Variants in AGFG1 observed in about 807,000 individuals in gnomAD.
The protein encoded by AGFG1 is arf-GAP domain and FG repeat-containing protein 1.
In AGFG1, 10 loss-of-function variants were observed where a neutral mutation model predicts 60.6. The ratio of observed to expected loss-of-function variants is 0.16; its 90% CI spans 0.10 to 0.28. The LOEUF (loss-of-function observed/expected upper bound fraction) is 0.28. Among genes scored for constraint, AGFG1 ranks in the 10% least tolerant of loss-of-function variants. The pLI, the probability that AGFG1 is intolerant of heterozygous loss-of-function variation, is 1.00. For synonymous variants in AGFG1, 247 were observed against 242.9 expected (o/e 1.02, Z -0.16); for missense variants, 537 against 676.5 (o/e 0.79, Z 2.29).
rs185703541 is a variant in AGFG1 at position 227,514,406 on chromosome 2, C to T, written c.262-5542C>T. ...TTTTTGTGTGTGTTCTTAGTAGAGA[C>T]GGGGTTTCACCATTTCGTCCAGGCT... On this transcript the variant is annotated intron_variant, in intron 2 of 12. Transcript: ENST00000310078. Among the ~76,000 whole-genome samples, 54 of 152,092 alleles carry T rather than the reference C, an allele frequency of 3.6e-4. 1 individual carries two copies. Among genetic ancestry groups the T allele is most frequent in the Non-Finnish European group, 8.8e-5 (6 of 68,008 alleles).
At chr2:227,503,398 C>T (rs952931552) in intron 2 of AGFG1, among the ~76,000 whole-genome samples, 1 of 152,142 alleles carries the variant, frequency 6.6e-6, no homozygotes, top group Non-Finnish European at 1.5e-5. Flanking sequence ...ACAAATCCTT[C>T]AGTTTTCTGT....
In AGFG1 at chr2:227,557,331, G is replaced by A. The variant is rs946387228; in HGVS notation, c.*2836G>A. 1 of 152,058 alleles carries A rather than the reference G, an allele frequency of 6.6e-6. No individual in the cohort carries two copies. The highest frequency in any genetic ancestry group is 2.4e-5 in the African/African-American group (1 of 41,410). 9.4% of individuals were successfully genotyped at this position (152,058 alleles called of 1,614,324 possible). A position where few individuals can be genotyped will look rare whatever the true frequency, so the allele number is the denominator to read the frequency against. ...GTAATCACTTTCTTCCTCAAAATAA[G>A]TCCTTCTGTTAATTTGTAAAAGCAC... is the stretch of plus-strand genomic sequence containing the variant. On this transcript the variant is annotated 3_prime_UTR_variant, in exon 13 of 13. Transcript: ENST00000310078.
At chr2:227,479,667 C>A (rs1289650081) in intron 1 of AGFG1, among the ~76,000 whole-genome samples, 1 of 152,134 alleles carries the variant, frequency 6.6e-6, no homozygotes, top group African/African-American at 2.4e-5. Context: ...TTTTTTCCCC[C>A]ACTTGAATGT....
At chr2:227,532,914 AATGT>A (rs200726173) in intron 6 of AGFG1, among the ~76,000 whole-genome samples, 1,817 of 152,222 alleles carry the variant, frequency 0.012, 27 homozygotes, top group African/African-American at 0.022. Flanking sequence ...AAATTGCTAT[AATGT>A]ATTATGTACT....
At chr2:227,528,226 A>T (rs887198704) in intron 5 of AGFG1, among the ~76,000 whole-genome samples, 2 of 152,200 alleles carry the variant, frequency 1.3e-5, no homozygotes, top group African/African-American at 4.8e-5. Flanking sequence ...TAATTTTTAT[A>T]TGTCTCATTT....
In AGFG1 at chr2:227,546,596, G is replaced by A. The variant is rs144752920; in HGVS notation, c.1379-5363G>A. 2.5e-3 allele frequency among the ~76,000 whole-genome samples: 378 copies of A among 152,312 alleles called. 3 individuals carry two copies. Among genetic ancestry groups the A allele is most frequent in the African/African-American group, 8.5e-3 (352 of 41,556 alleles). On this transcript the variant is annotated intron_variant, in intron 10 of 12. Transcript: ENST00000310078. Reference sequence around the variant, plus strand: ...ACGCTGGGAGCTGTAGACTGGAGCCGTTCCTATTCTGCCATCTTGGAACTC... The same window carrying A: ...ACGCTGGGAGCTGTAGACTGGAGCCATTCCTATTCTGCCATCTTGGAACTC...
At position 227,546,875 on chromosome 2, in the gene AGFG1, T is replaced by G. The variant is rs184915816; in HGVS notation, c.1379-5084T>G. 2.1e-3 allele frequency among the ~76,000 whole-genome samples: 320 copies of G among 152,360 alleles called. 1 individual carries two copies. The highest frequency in any genetic ancestry group is 6.8e-3 in the Middle Eastern group (2 of 294). ...CCATTTATTTTAATGAATGAATGGT[T>G]TCAAAGATTTTTTTTCCCTAAGGAA... On this transcript the variant is annotated intron_variant, in intron 10 of 12. Transcript: ENST00000310078.
chr2:227,495,538 A>G (rs1028557165), intron 2 of AGFG1, among the ~76,000 whole-genome samples: 5 of 144,762 alleles, frequency 3.5e-5, no homozygotes, highest in African/African-American at 1.3e-4. Flanking sequence ...CAAGCGAGAT[A>G]CTGTCTCAAA....
chr2:227,475,847 G>A (rs554961062), intron 1 of AGFG1, among the ~76,000 whole-genome samples: 1 of 152,342 alleles, frequency 6.6e-6, no homozygotes, highest in East Asian at 1.9e-4. Context: ...ATAGGGCTAA[G>A]CACTGGAGTT....
At chr2:227,481,279 G>A (rs1005427530) in intron 1 of AGFG1, among the ~76,000 whole-genome samples, 7 of 152,004 alleles carry the variant, frequency 4.6e-5, no homozygotes, top group African/African-American at 1.7e-4. Flanking sequence ...TAATCCTCCA[G>A]CTTTCCACAT....
At chr2:227,531,494 C>T (rs1028337451) in intron 6 of AGFG1, among the ~76,000 whole-genome samples, 5 of 150,326 alleles carry the variant, frequency 3.3e-5, no homozygotes, top group Admixed American at 2.0e-4. Context: ...AGAGGCATGA[C>T]ACTACTATAA....
At position 227,555,502 on chromosome 2, in the gene AGFG1, G is replaced by A. The variant is rs967124305; in HGVS notation, c.*1007G>A. 2 of 152,308 alleles carry A rather than the reference G, an allele frequency of 1.3e-5. No individual in the cohort carries two copies. Among genetic ancestry groups the A allele is most frequent in the African/African-American group, 4.8e-5 (2 of 41,328 alleles). The allele number at this position is 152,308 out of a possible 1,614,324, so 9.4% of individuals were successfully genotyped here. ...AAAAAAAATTGTCTTTGAATGTATTGGAAGTAGACATGCATTAACTGTGAC... is the reference window on the plus strand; with the variant it reads ...AAAAAAAATTGTCTTTGAATGTATTAGAAGTAGACATGCATTAACTGTGAC... On this transcript the variant is annotated 3_prime_UTR_variant, in exon 13 of 13. Transcript: ENST00000310078.
chr2:227,500,063 C>T (rs1230423291), intron 2 of AGFG1, among the ~76,000 whole-genome samples: 4 of 152,180 alleles, frequency 2.6e-5, no homozygotes, highest in Admixed American at 1.3e-4. Flanking sequence ...ATTTTGGCAA[C>T]AGAGTATGCC....
chr2:227,523,678 G>A (rs7606276), intron 3 of AGFG1, 85 bp from the exon 4 acceptor site: 3 of 1,307,514 alleles, frequency 2.3e-6, no homozygotes, highest in African/African-American at 2.9e-5. Context: ...AAACAATCTT[G>A]TACAAAGTTA....
chr2:227,520,601 CAG>C (rs1691795839), intron 3 of AGFG1, among the ~76,000 whole-genome samples: 1 of 152,118 alleles, frequency 6.6e-6, no homozygotes, highest in African/African-American at 2.4e-5. Flanking sequence ...CTAAATCTAT[CAG>C]ATGTTAATTT....
chr2:227,543,857 T>TAC (rs1692564389), intron 10 of AGFG1, among the ~76,000 whole-genome samples: 1 of 151,740 alleles, frequency 6.6e-6, no homozygotes, highest in Non-Finnish European at 1.5e-5. Flanking sequence ...GGTGCATATA[T>TAC]ATTTAGGATA....
chr2:227,487,993 A>G (rs1018433216), intron 1 of AGFG1, among the ~76,000 whole-genome samples: 1 of 152,244 alleles, frequency 6.6e-6, no homozygotes, highest in Non-Finnish European at 1.5e-5. Flanking sequence ...ACATGAACAC[A>G]TAAAATTTCC....
chr2:227,545,408 C>T (rs1559199223), intron 10 of AGFG1, among the ~76,000 whole-genome samples: 1 of 152,210 alleles, frequency 6.6e-6, no homozygotes, highest in African/African-American at 2.4e-5. Flanking sequence ...TTTGAACATC[C>T]TCCTTTAGCT....
At chr2:227,528,365 TCTC>T (rs928766905) in intron 5 of AGFG1, among the ~76,000 whole-genome samples, 18 of 152,182 alleles carry the variant, frequency 1.2e-4, no homozygotes, top group Non-Finnish European at 2.2e-4. Context: ...AGATTTCCCT[TCTC>T]CTGTGTTACC....
Sources: gnomAD v4.1 joint callset for allele counts (sites outside exome capture counted in the v4.1 genomes callset) on GRCh38, gnomAD v4.1.1 for gene constraint, MANE v1.5 for transcripts, NCBI Gene and HGNC (gene_info 2026-07-23, HGNC 2026-07-21) for gene names.